M1AP: variants seen among roughly 807,000 people sequenced by gnomAD.
The protein encoded by M1AP is meiosis 1 arrest protein.
A neutral mutation model predicts 51.2 loss-of-function variants in M1AP; 39 were observed. That is an observed-to-expected ratio of 0.76 (90% CI 0.59 to 1.00). The LOEUF is 1.00. Among genes scored for constraint, M1AP ranks in the 50% least tolerant of loss-of-function variants. The probability of loss-of-function intolerance (pLI) is 0.00; values close to 1 mark genes in which losing one functional copy is unlikely to be tolerated. For synonymous variants in M1AP, 251 were observed against 249.2 expected (o/e 1.01, Z -0.07); for missense variants, 545 against 641.2 (o/e 0.85, Z 1.62).
chr2:74,647,388 C>T (rs924187787), intron 1 of M1AP: 2 of 985,170 alleles, frequency 2.0e-6, no homozygotes, highest in African/African-American at 1.7e-5. Context: ...GCGTGATAAA[C>T]GATTCAATGG....
At chr2:74,627,342 T>A (rs1297380584) in intron 2 of M1AP, among the ~76,000 whole-genome samples, 1 of 152,160 alleles carries the variant, frequency 6.6e-6, no homozygotes, top group Non-Finnish European at 1.5e-5. Context: ...AGTACAAATA[T>A]CTGTGTTGAT....
chr2:74,611,620 C>CT (rs1219728597), intron 3 of M1AP, among the ~76,000 whole-genome samples: 4 of 151,776 alleles, frequency 2.6e-5, no homozygotes, highest in African/African-American at 9.7e-5. Flanking sequence ...CAAAACAGTT[C>CT]TTTTTAGTTC....
At chr2:74,630,417 C>A (rs1682635310) in intron 2 of M1AP, among the ~76,000 whole-genome samples, 1 of 152,170 alleles carries the variant, frequency 6.6e-6, no homozygotes, top group African/African-American at 2.4e-5. Context: ...GTTTGCTGTA[C>A]CTATCAACCC....
chr2:74,603,891 G>A (rs1187152498), intron 4 of M1AP, among the ~76,000 whole-genome samples: 3 of 152,056 alleles, frequency 2.0e-5, no homozygotes, highest in Non-Finnish European at 4.4e-5. Context: ...ATCTGCACGC[G>A]ACCAGAAAGA....
chr2:74,614,440 C>T (rs1310292435), intron 3 of M1AP, among the ~76,000 whole-genome samples: 1 of 152,204 alleles, frequency 6.6e-6, no homozygotes, highest in African/African-American at 2.4e-5. Context: ...ACTGTCTTAA[C>T]TCACACTTAC....
rs534856535 is a variant in M1AP at position 74,598,621 on chromosome 2, C to CTT, written c.595+8432_595+8433dup. Among the ~76,000 whole-genome samples the CTT allele has an allele frequency of 5.7e-4, 65 of 114,382 alleles. 2 individuals carry two copies. Among genetic ancestry groups the CTT allele is most frequent in the Non-Finnish European group, 9.3e-4 (55 of 59,278 alleles). 75.0% of individuals were successfully genotyped at this position (114,382 alleles called of 152,430 possible). On this transcript the variant is annotated intron_variant, in intron 4 of 10. Transcript: ENST00000421985. ...TTGTAATATTTATTCTGTATATCAA[C>CTT]TTTTTTTTTTTTTTTTTTTTTGAGA...
At chr2:74,644,109 C>G (rs1683463258) in intron 1 of M1AP, among the ~76,000 whole-genome samples, 1 of 152,108 alleles carries the variant, frequency 6.6e-6, no homozygotes, top group Non-Finnish European at 1.5e-5. Flanking sequence ...GAACTAAAAT[C>G]ATTCTATATA....
chr2:74,576,271 A>G (rs1679059027), intron 6 of M1AP, among the ~76,000 whole-genome samples, 185 bp downstream of exon 6: 1 of 152,230 alleles, frequency 6.6e-6, no homozygotes, highest in Non-Finnish European at 1.5e-5. Context: ...CACCATCTGC[A>G]CATTTGGCCT....
At chr2:74,594,314 A>G (rs973694138) in intron 4 of M1AP, among the ~76,000 whole-genome samples, 3 of 152,198 alleles carry the variant, frequency 2.0e-5, no homozygotes, top group African/African-American at 7.2e-5. Context: ...CCAAGATGAC[A>G]GAGATGTTGG....
intron 2 of M1AP, among the ~76,000 whole-genome samples, chr2:74,617,596 G>A (rs1157481570): frequency 6.6e-6 from 1 of 152,132 alleles, no homozygotes; most frequent in Non-Finnish European, 1.5e-5. Context: ...ATACCTGGAT[G>A]ATGAAATAAT....
At chr2:74,591,096 C>T (rs1037930819) in intron 4 of M1AP, among the ~76,000 whole-genome samples, 8 of 152,264 alleles carry the variant, frequency 5.3e-5, no homozygotes, top group African/African-American at 1.9e-4. Flanking sequence ...AATTTGTGGA[C>T]TTTAAAGCAC....
intron 2 of M1AP, among the ~76,000 whole-genome samples, chr2:74,634,994 C>T (rs1682904246): frequency 6.6e-6 from 1 of 151,960 alleles, no homozygotes. Flanking sequence ...AAAAAATAGC[C>T]TCATAAAATG....
chr2:74,596,567 G>A (rs976843685), intron 4 of M1AP, among the ~76,000 whole-genome samples: 2 of 151,942 alleles, frequency 1.3e-5, no homozygotes, highest in African/African-American at 4.8e-5. Flanking sequence ...GGGCAAAAGA[G>A]CGAGACTCCA....
intron 4 of M1AP, among the ~76,000 whole-genome samples, chr2:74,585,484 A>G (rs1463560156): frequency 1.3e-5 from 2 of 152,200 alleles, no homozygotes; most frequent in Admixed American, 6.5e-5. Flanking sequence ...TATGAAGGAA[A>G]ATGTCATGTG....
Position 74,578,213 on chromosome 2 carries a change from C to T in M1AP, c.770-1595G>A, listed in dbSNP as rs979670116. On this transcript the variant is annotated intron_variant, in intron 5 of 10. Transcript: ENST00000421985. ...TGAAAAAGATACTGATGTCTGGGCC[C>T]TACCCCAGACCAACTGAATCAGGGT... Among the ~76,000 whole-genome samples the T allele has an allele frequency of 3.9e-5, 6 of 152,350 alleles. No homozygotes were observed. In the East Asian group the frequency reaches 5.8e-4, roughly 15 times the overall value.
chr2:74,617,970 G>T (rs1681770796), intron 2 of M1AP, among the ~76,000 whole-genome samples: 1 of 152,168 alleles, frequency 6.6e-6, no homozygotes, highest in South Asian at 2.1e-4. Context: ...ATGGTTCTCT[G>T]GAGTAAAGCA....
At chr2:74,594,394 TA>T (rs1680208939) in intron 4 of M1AP, among the ~76,000 whole-genome samples, 1 of 152,020 alleles carries the variant, frequency 6.6e-6, no homozygotes, top group African/African-American at 2.4e-5. Flanking sequence ...AATATGTTCA[TA>T]AAAAATGAAA....
chr2:74,640,062 G>A lies in M1AP; in HGVS notation c.214C>T (p.Gln72Ter). ...ACAAAAGGGAGGATGCACTCATGCT[G>A]ATCTTGTACCATGTATAAACTGAAC... is the stretch of plus-strand genomic sequence containing the variant. ...SLFSLYMVQD[Q>*]HECILPFVQV... The change falls in exon 2 of 11, where the codon CAG becomes TAG. Residue 72 changes from glutamine (Q) to a stop codon, truncating the protein, a stop_gained. Coordinates refer to ENST00000421985, the MANE Select transcript of M1AP (RefSeq NM_001321739.2). LOFTEE classifies it high-confidence loss of function. The A allele has an allele frequency of 6.2e-7, 1 of 1,614,174 alleles. No homozygotes were observed. Among genetic ancestry groups the A allele is most frequent in the Non-Finnish European group, 8.5e-7 (1 of 1,180,020 alleles).
intron 3 of M1AP, among the ~76,000 whole-genome samples, chr2:74,611,104 T>C (rs963043960): frequency 6.6e-6 from 1 of 152,230 alleles, no homozygotes; most frequent in Admixed American, 6.5e-5. Flanking sequence ...TTTTTGCATC[T>C]ATGTTCTTCA....
Sources: gnomAD v4.1 joint callset for allele counts (sites outside exome capture counted in the v4.1 genomes callset) on GRCh38, gnomAD v4.1.1 for gene constraint, MANE v1.5 for transcripts, NCBI Gene and HGNC (gene_info 2026-07-23, HGNC 2026-07-21) for gene names.